RBPJ: variants seen among roughly 807,000 people sequenced by gnomAD.
RBPJ encodes the protein recombination signal binding protein for immunoglobulin kappa J region.
A neutral mutation model predicts 67.8 loss-of-function variants in RBPJ; 9 were observed. That is an observed-to-expected ratio of 0.13 (90% CI 0.08 to 0.23). RBPJ has a LOEUF of 0.23. Among genes scored for constraint, RBPJ ranks in the 10% least tolerant of loss-of-function variants. RBPJ has a pLI of 1.00. For synonymous variants in RBPJ, 198 were observed against 203.3 expected (o/e 0.97, Z 0.22); for missense variants, 305 against 595.6 (o/e 0.51, Z 5.08).
chr4:26,261,325 CT>C (rs1282320111), intron 1 of RBPJ, among the ~76,000 whole-genome samples: 3 of 151,292 alleles, frequency 2.0e-5, no homozygotes, highest in Non-Finnish European at 4.4e-5. Context: ...TGAATGGATT[CT>C]TTTTTTTAAG....
intron 1 of RBPJ, among the ~76,000 whole-genome samples, chr4:26,169,868 C>G (rs571634911): frequency 2.0e-5 from 3 of 152,206 alleles, no homozygotes; most frequent in African/African-American, 7.2e-5. Flanking sequence ...GGGCGTAGGA[C>G]CCTCTGAGCC....
At chr4:26,114,239 A>T in the RBPJ span, among the ~76,000 whole-genome samples, 1 of 152,042 alleles carries the variant, frequency 6.6e-6, no homozygotes, top group Non-Finnish European at 1.5e-5. Flanking sequence ...CAGGTGGATC[A>T]CCTGAGGTCA....
At chr4:26,413,336 AT>A (rs1734228040) in intron 3 of RBPJ, among the ~76,000 whole-genome samples, 2 of 152,266 alleles carry the variant, frequency 1.3e-5, no homozygotes, top group African/African-American at 4.8e-5. Context: ...GGCCGTCCCC[AT>A]TTCAAGTACC....
intron 1 of RBPJ, among the ~76,000 whole-genome samples, chr4:26,238,364 A>G (rs933397735): frequency 2.0e-5 from 3 of 152,222 alleles, no homozygotes; most frequent in Non-Finnish European, 2.9e-5. Flanking sequence ...GCTTGGCTCA[A>G]CCAAGTTCTT....
At chr4:26,380,003 G>A (rs924390473) in intron 1 of RBPJ, among the ~76,000 whole-genome samples, 4 of 152,116 alleles carry the variant, frequency 2.6e-5, no homozygotes, top group Non-Finnish European at 5.9e-5. Context: ...GCCAAGTTTC[G>A]AGCAGCATTG....
intron 2 of RBPJ, among the ~76,000 whole-genome samples, chr4:26,392,594 A>G (rs922723856): frequency 2.0e-5 from 3 of 152,270 alleles, no homozygotes; most frequent in Non-Finnish European, 2.9e-5. Flanking sequence ...TTCCACTTAC[A>G]TAGAATTATA....
chr4:26,171,747 G>T (rs1577433026), intron 1 of RBPJ, among the ~76,000 whole-genome samples: 1 of 152,164 alleles, frequency 6.6e-6, no homozygotes, highest in South Asian at 2.1e-4. Flanking sequence ...AGCTCAGAGG[G>T]AGTAGAGATA....
intron 1 of RBPJ, among the ~76,000 whole-genome samples, chr4:26,378,815 T>A (rs1014047205): frequency 5.3e-5 from 8 of 152,096 alleles, no homozygotes; most frequent in Non-Finnish European, 1.0e-4. Flanking sequence ...TCACCTGAGG[T>A]CAGGAGTTCA....
chr4:26,417,655 C>T (rs1734726307), intron 4 of RBPJ, among the ~76,000 whole-genome samples: 1 of 152,014 alleles, frequency 6.6e-6, no homozygotes, highest in African/African-American at 2.4e-5. Context: ...TAATCATGTG[C>T]TTAGAGCATA....
the RBPJ span, among the ~76,000 whole-genome samples, chr4:26,150,664 G>A: frequency 6.6e-6 from 1 of 152,142 alleles, no homozygotes; most frequent in African/African-American, 2.4e-5. Context: ...TTAAAACAGT[G>A]GCTAGTACAG....
At chr4:26,238,274 C>G (rs1237230276) in intron 1 of RBPJ, among the ~76,000 whole-genome samples, 1 of 152,160 alleles carries the variant, frequency 6.6e-6, no homozygotes, top group Admixed American at 6.5e-5. Context: ...GTTGCCCAGG[C>G]TGGTCTTGAA....
intron 1 of RBPJ, among the ~76,000 whole-genome samples, chr4:26,368,896 G>A (rs990470145): frequency 1.3e-5 from 2 of 152,198 alleles, no homozygotes; most frequent in Admixed American, 1.3e-4. Flanking sequence ...CTGGGTGCAA[G>A]CAGAACACAC....
intron 1 of RBPJ, among the ~76,000 whole-genome samples, chr4:26,304,500 A>G (rs757386806): frequency 1.3e-5 from 2 of 152,180 alleles, no homozygotes; most frequent in Non-Finnish European, 2.9e-5. Flanking sequence ...CCTTGTCAAC[A>G]TTTGTCATTA....
intron 1 of RBPJ, among the ~76,000 whole-genome samples, chr4:26,194,847 G>A (rs550641947): frequency 1.3e-5 from 2 of 152,270 alleles, no homozygotes; most frequent in Admixed American, 6.5e-5. Flanking sequence ...CTGCTGCCCT[G>A]GTTTTGCACA....
intron 1 of RBPJ, among the ~76,000 whole-genome samples, chr4:26,234,835 G>C (rs1390884499): frequency 2.0e-5 from 3 of 152,100 alleles, no homozygotes; most frequent in African/African-American, 7.2e-5. Flanking sequence ...TGGGATTACA[G>C]GCACATGCCA....
chr4:26,339,405 G>A (rs1006431873), intron 1 of RBPJ, among the ~76,000 whole-genome samples: 3 of 152,096 alleles, frequency 2.0e-5, no homozygotes, highest in African/African-American at 4.8e-5. Context: ...AGGCCAAGGC[G>A]AGCTGATCAC....
the RBPJ span, among the ~76,000 whole-genome samples, chr4:26,139,450 G>T: frequency 1.3e-5 from 2 of 152,322 alleles, no homozygotes; most frequent in East Asian, 3.9e-4. Context: ...TCAACACTTA[G>T]CATCCACAGT....
At chr4:26,171,431 G>A (rs1716579034) in intron 1 of RBPJ, among the ~76,000 whole-genome samples, 1 of 152,122 alleles carries the variant, frequency 6.6e-6, no homozygotes. Context: ...AGTTGAGCAT[G>A]GTAGCATGTT....
At chr4:26,351,678 G>A (rs1726820121) in intron 1 of RBPJ, among the ~76,000 whole-genome samples, 1 of 152,200 alleles carries the variant, frequency 6.6e-6, no homozygotes. Flanking sequence ...ACTGTCCCTG[G>A]CCTTGAGAAT....
Sources: allele counts gnomAD v4.1 joint callset (sites outside exome capture counted in the v4.1 genomes callset), GRCh38; gene constraint gnomAD v4.1.1; transcripts MANE v1.5; gene names NCBI Gene and HGNC (gene_info 2026-07-23, HGNC 2026-07-21).